Variants in IBTK observed in about 807,000 individuals in gnomAD.
IBTK encodes the protein inhibitor of Bruton tyrosine kinase.
A neutral mutation model predicts 154.9 loss-of-function variants in IBTK; 83 were observed. That is an observed-to-expected ratio of 0.54 (90% confidence interval 0.45 to 0.64). The LOEUF is 0.64. IBTK is among the 30% of genes least tolerant of loss of function. The probability of loss-of-function intolerance (pLI) is 0.00; values close to 1 mark genes in which losing one functional copy is unlikely to be tolerated. For synonymous variants in IBTK, 515 were observed against 536.1 expected (o/e 0.96, Z 0.54); for missense variants, 1,332 against 1,584.6 (o/e 0.84, Z 2.71).
intron 1 of IBTK, among the ~76,000 whole-genome samples, chr6:82,245,200 G>A (rs546124652): frequency 1.3e-4 from 20 of 152,208 alleles, no homozygotes; most frequent in Non-Finnish European, 2.6e-4. Flanking sequence ...GGAACGGGGA[G>A]TGCAGAAGAG....
chr6:82,227,447 G>A, intron 4 of IBTK, 145 bp from the exon 5 acceptor site: 1 of 440,218 alleles, frequency 2.3e-6, no homozygotes, highest in Non-Finnish European at 3.9e-6. Context: ...CACATTTTAA[G>A]TTTCCTGTAA....
intron 3 of IBTK, among the ~76,000 whole-genome samples, chr6:82,233,817 A>AATACTCCT (rs1770613250): frequency 6.6e-6 from 1 of 151,074 alleles, no homozygotes; most frequent in Admixed American, 6.6e-5. Context: ...AGGTTCAAGC[A>AATACTCCT]ATACTCCTGC....
chr6:82,174,402 G>A (rs939220815), intron 26 of IBTK, among the ~76,000 whole-genome samples: 1 of 152,002 alleles, frequency 6.6e-6, no homozygotes, highest in Admixed American at 6.6e-5. Context: ...AATACAATAT[G>A]GAAGATTGTA....
At chr6:82,219,355 T>C (rs1287344952) in intron 9 of IBTK, among the ~76,000 whole-genome samples, 1 of 152,174 alleles carries the variant, frequency 6.6e-6, no homozygotes, top group African/African-American at 2.4e-5. Flanking sequence ...TGACCCAGTA[T>C]GTGGAGCTTT....
intron 5 of IBTK, among the ~76,000 whole-genome samples, chr6:82,225,875 T>C (rs1157359689): frequency 1.3e-5 from 2 of 152,120 alleles, no homozygotes; most frequent in Non-Finnish European, 2.9e-5. Flanking sequence ...TCCAGTGAAA[T>C]AATTCAATTC....
At chr6:82,196,211 T>C in intron 22 of IBTK, 87 bp downstream of exon 22, 2 of 1,135,648 alleles carry the variant, frequency 1.8e-6, no homozygotes, top group Non-Finnish European at 2.4e-6. Context: ...TGTTTTAAAA[T>C]TAGGGCAAAA....
At chr6:82,190,611 C>CA (rs1368546294) in intron 25 of IBTK, among the ~76,000 whole-genome samples, 1 of 151,964 alleles carries the variant, frequency 6.6e-6, no homozygotes, top group Non-Finnish European at 1.5e-5. Flanking sequence ...TGAAAAATAA[C>CA]AAGCTATGAT....
At chr6:82,234,492 C>T (rs1770644366) in intron 2 of IBTK, among the ~76,000 whole-genome samples, 1 of 151,898 alleles carries the variant, frequency 6.6e-6, no homozygotes, top group South Asian at 2.1e-4. Context: ...GCATCCACCA[C>T]CACGCCCGGC....
At position 82,214,359 on chromosome 6, in the gene IBTK, G is replaced by A. The variant is rs777785824; in HGVS notation, c.2072C>T (p.Ala691Val). The change falls in exon 12 of 29, where the codon GCT (alanine) becomes GTT (valine). Residue 691 changes from alanine (A) to valine (V), a missense_variant. Physicochemically the swap from Ala to Val is moderately conservative, Grantham distance 64. Transcript: ENST00000306270. ...SAFEVYKSNQ[A>V]QTVSERQKSK... ...CTTCTGCCTCTCACTAACTGTTTGA[G>A]CTTGATTACTTTTGTAAACTTCAAA... 5 of 1,613,878 alleles carry A rather than the reference G, an allele frequency of 3.1e-6. No homozygotes were observed. The highest frequency in any genetic ancestry group is 4.5e-5 in the East Asian group (2 of 44,858).
rs1018699436 is a variant in IBTK, at chr6:82,214,848, C to A, written c.1602-19G>T. The A allele has an allele frequency of 2.0e-6, 3 of 1,524,512 alleles. No individual in the cohort carries two copies. The highest frequency in any genetic ancestry group is 2.6e-6 in the Non-Finnish European group (3 of 1,136,512). The allele number at this position is 1,524,512 out of a possible 1,614,324, so 94.4% of individuals were successfully genotyped here. On this transcript the variant is annotated intron_variant, in intron 11 of 28. Coordinates refer to ENST00000306270, the MANE Select transcript of IBTK (RefSeq NM_015525.4). ...ATAAAGGCTAGAAAGAAGACAAAAACAAATTATGCTTCAAAAAATATGAAG... is the reference window on the plus strand; with the variant it reads ...ATAAAGGCTAGAAAGAAGACAAAAAAAAATTATGCTTCAAAAAATATGAAG...
At chr6:82,247,351 G>T (rs117693526) in intron 1 of IBTK, among the ~76,000 whole-genome samples, 5 of 152,330 alleles carry the variant, frequency 3.3e-5, no homozygotes, top group African/African-American at 1.2e-4. Flanking sequence ...ATTAGCTGAG[G>T]GGGGCGGTAG....
At chr6:82,186,783 T>C (rs1768572819) in intron 25 of IBTK, among the ~76,000 whole-genome samples, 1 of 152,162 alleles carries the variant, frequency 6.6e-6, no homozygotes, top group Non-Finnish European at 1.5e-5. Context: ...AATTGGTCAG[T>C]TAGATAAATT....
intron 16 of IBTK, chr6:82,206,029 G>C (rs934123489): frequency 6.6e-6 from 1 of 152,120 alleles, no homozygotes; most frequent in Non-Finnish European, 1.5e-5. Flanking sequence ...GTGGAAAATT[G>C]TCATAATCAA....
intron 25 of IBTK, among the ~76,000 whole-genome samples, chr6:82,183,558 ATATC>A (rs1582186659): frequency 6.6e-6 from 1 of 152,244 alleles, no homozygotes; most frequent in African/African-American, 2.4e-5. Context: ...TATATAGACT[ATATC>A]TATTTTAAAA....
At chr6:82,179,353 T>C (rs1405105464) in intron 26 of IBTK, among the ~76,000 whole-genome samples, 1 of 152,164 alleles carries the variant, frequency 6.6e-6, no homozygotes, top group African/African-American at 2.4e-5. Context: ...GAGGAAAACA[T>C]TAAGTTTAGT....
Position 82,194,650 on chromosome 6 carries a change from G to A in IBTK, c.3175-8C>T. 6.5e-7 allele frequency: 1 copy of A among 1,549,176 alleles called. No homozygotes were observed. The highest frequency in any genetic ancestry group is 8.7e-7 in the Non-Finnish European group (1 of 1,152,570). ...ATACGGTTTGACTTTCGCCTGGGGAGAGAAAAAAAATAAAAAAAGTTAACA... is the reference window on the plus strand; with the variant it reads ...ATACGGTTTGACTTTCGCCTGGGGAAAGAAAAAAAATAAAAAAAGTTAACA... On this transcript the variant is annotated splice_polypyrimidine_tract_variant and splice_region_variant and intron_variant, in intron 22 of 28. Coordinates refer to ENST00000306270, the MANE Select transcript of IBTK (RefSeq NM_015525.4).
Position 82,170,165 on chromosome 6 carries a change from C to T in IBTK, c.*1260G>A, listed in dbSNP as rs561060274. 2.6e-5 allele frequency: 4 copies of T among 152,340 alleles called. No homozygotes were observed. The highest frequency in any genetic ancestry group is 5.9e-5 in the Non-Finnish European group (4 of 68,024). 9.4% of individuals were successfully genotyped at this position (152,340 alleles called of 1,614,324 possible). A position where few individuals can be genotyped will look rare whatever the true frequency, so the allele number is the denominator to read the frequency against. ...CCATATACTGGCCACTAGTGTAGCA[C>T]ATCAGAAAAAATAATTATTAACTCT... On this transcript the variant is annotated 3_prime_UTR_variant, in exon 29 of 29. Transcript: ENST00000306270.
intron 19 of IBTK, 116 bp from the exon 20 acceptor site, chr6:82,200,824 C>T (rs1442244395): frequency 3.5e-6 from 4 of 1,137,032 alleles, no homozygotes; most frequent in African/African-American, 1.9e-5. Context: ...CTGTTTGGAA[C>T]ACCTGGCCCC....
intron 10 of IBTK, among the ~76,000 whole-genome samples, chr6:82,216,970 A>T (rs912928984): frequency 6.6e-6 from 1 of 152,198 alleles, no homozygotes; most frequent in African/African-American, 2.4e-5. Context: ...AAGAATAGAT[A>T]AAAAGAGGCC....
Sources: gnomAD v4.1 joint callset for allele counts (sites outside exome capture counted in the v4.1 genomes callset) on GRCh38, gnomAD v4.1.1 for gene constraint, MANE v1.5 for transcripts, NCBI Gene and HGNC (gene_info 2026-07-23, HGNC 2026-07-21) for gene names.